XIRP2: variants seen among roughly 807,000 people sequenced by gnomAD.
The protein encoded by XIRP2 is xin actin-binding repeat-containing protein 2.
In XIRP2, 236 loss-of-function variants were observed where a neutral mutation model predicts 277.0. The observed-to-expected ratio is 0.85, with a 90% CI of 0.77 to 0.95. The LOEUF (loss-of-function observed/expected upper bound fraction) is 0.95, where lower values mean the gene tolerates loss of function less well. XIRP2 is among the 40% of genes least tolerant of loss of function. The pLI, the probability that XIRP2 is intolerant of heterozygous loss-of-function variation, is 0.00. For synonymous variants in XIRP2, 1,490 were observed against 1,416.5 expected, an observed-to-expected ratio of 1.05 and a Z score of -1.17; for missense variants, 4,640 against 4,157.5, an observed-to-expected ratio of 1.12 and a Z score of -3.19.
chr2:167,198,417 G>T (rs1191820238), intron 3 of XIRP2, among the ~76,000 whole-genome samples: 2 of 152,148 alleles, frequency 1.3e-5, no homozygotes, highest in Non-Finnish European at 2.9e-5. Context: ...ACATTATTCA[G>T]TGTCCCTTAG....
rs1488253694 is a variant in XIRP2, at chr2:167,251,738, G to A, written c.10346G>A (p.Cys3449Tyr). 6 of 1,613,372 alleles carry A rather than the reference G, an allele frequency of 3.7e-6. No individual in the cohort carries two copies. The highest frequency in any genetic ancestry group is 5.1e-6 in the Non-Finnish European group (6 of 1,179,588). ...AGCTCAGAAGCTGGCAAATCTGGCT[G>A]TGACTTCAAGCATGCCCCACCAACC... ...SHSSEAGKSGCDFKHAPPTYE... is the reference protein window; with the variant it reads ...SHSSEAGKSGYDFKHAPPTYE... Residue 3449 changes from cysteine (C) to tyrosine (Y), a missense_variant, in exon 9 of 11, where the codon TGT (cysteine) becomes TAT (tyrosine). By Grantham distance (194) the Cys-to-Tyr change is radical. Transcript: ENST00000409195.
At chr2:166,932,520 G>T (rs1013287408) in intron 2 of XIRP2, among the ~76,000 whole-genome samples, 1 of 151,848 alleles carries the variant, frequency 6.6e-6, no homozygotes, top group Non-Finnish European at 1.5e-5. Context: ...CAGCCCATAC[G>T]CTCTCTTAAT....
intron 2 of XIRP2, among the ~76,000 whole-genome samples, chr2:167,049,253 C>A (rs963072327): frequency 7.9e-5 from 12 of 151,442 alleles, no homozygotes; most frequent in African/African-American, 2.9e-4. Flanking sequence ...CAAGCCCTAC[C>A]ATTAAGGCCA....
At chr2:167,012,912 C>A (rs1286499619) in intron 2 of XIRP2, among the ~76,000 whole-genome samples, 3 of 151,264 alleles carry the variant, frequency 2.0e-5, no homozygotes, top group African/African-American at 7.3e-5. Flanking sequence ...ATTTCCAGTT[C>A]ATCATTGGTT....
chr2:167,156,192 G>A (rs945748141), intron 3 of XIRP2, among the ~76,000 whole-genome samples: 19 of 151,780 alleles, frequency 1.3e-4, no homozygotes, highest in South Asian at 6.3e-4. Flanking sequence ...TTATAGATTC[G>A]ATGCCATCCC....
chr2:167,168,032 A>G (rs1236007073), intron 3 of XIRP2, among the ~76,000 whole-genome samples: 2 of 152,168 alleles, frequency 1.3e-5, no homozygotes, highest in Non-Finnish European at 2.9e-5. Context: ...TCCTCTCAAC[A>G]CTTGTATATT....
intron 2 of XIRP2, among the ~76,000 whole-genome samples, chr2:166,912,623 C>G (rs550787712): frequency 1.3e-5 from 2 of 152,330 alleles, no homozygotes; most frequent in East Asian, 3.9e-4. Flanking sequence ...AATTCATTCT[C>G]CATCCAGCTT....
Position 167,258,855 on chromosome 2 carries a change from C to A in XIRP2, c.*1038C>A. ...CTTGGTATATTTGAATCTGAAAAGA[C>A]TTATTCGAGGAATGTACTAGCAATG... is the stretch of plus-strand genomic sequence containing the variant. On this transcript the variant is annotated 3_prime_UTR_variant, in exon 11 of 11. Transcript: ENST00000409195. The A allele has an allele frequency of 6.2e-7, 1 of 1,613,160 alleles. No individual in the cohort carries two copies. The highest frequency in any genetic ancestry group is 1.3e-5 in the African/African-American group (1 of 74,956).
At chr2:167,173,317 C>T (rs1393840563) in intron 3 of XIRP2, among the ~76,000 whole-genome samples, 7 of 152,124 alleles carry the variant, frequency 4.6e-5, no homozygotes, top group South Asian at 2.1e-4. Flanking sequence ...ATCCTTTTAC[C>T]GTCTATGTCC....
chr2:167,160,266 AG>A (rs1274880950), intron 3 of XIRP2, among the ~76,000 whole-genome samples: 32 of 152,348 alleles, frequency 2.1e-4, no homozygotes, highest in African/African-American at 7.2e-4. Flanking sequence ...AAAGTTTTAA[AG>A]CACTCATAAT....
At chr2:167,080,318 G>T (rs1373994939) in intron 2 of XIRP2, among the ~76,000 whole-genome samples, 1 of 152,172 alleles carries the variant, frequency 6.6e-6, no homozygotes, top group Non-Finnish European at 1.5e-5. Context: ...TCTCAGAGAA[G>T]ACAAAAATCC....
chr2:167,014,367 A>G (rs568300288), intron 2 of XIRP2, among the ~76,000 whole-genome samples: 1 of 151,896 alleles, frequency 6.6e-6, no homozygotes, highest in Non-Finnish European at 1.5e-5. Flanking sequence ...ATAGATATAA[A>G]AAGATTGAGG....
At position 167,010,516 on chromosome 2, in the gene XIRP2, T is replaced by G. The variant is rs1315896790; in HGVS notation, c.408+106626T>G. Among the ~76,000 whole-genome samples, 8 of 152,270 alleles carry G rather than the reference T, an allele frequency of 5.3e-5. No individual in the cohort carries two copies. The East Asian group carries it at 1.4e-3, about 26-fold the overall frequency. ...AGTCAGGTAGCGTGATGCCTCCAGC[T>G]TTGTTCTTTTGGCTTAGGATTGACT... is the stretch of plus-strand genomic sequence containing the variant. On this transcript the variant is annotated intron_variant, in intron 2 of 10. Transcript: ENST00000409195.
chr2:166,979,763 A>G (rs1394105395), intron 2 of XIRP2, among the ~76,000 whole-genome samples: 2 of 152,122 alleles, frequency 1.3e-5, no homozygotes, highest in African/African-American at 2.4e-5. Flanking sequence ...TTGCCTTCTT[A>G]TACATTGATT....
chr2:167,058,390 A>G lies in XIRP2; in HGVS notation c.409-77519A>G, dbSNP rs568419412. ...GCCAAGGTGACTGGCCTCTTTGTGC[A>G]TGTTTTAGTTATTTATTGTTGCATA... On this transcript the variant is annotated intron_variant, in intron 2 of 10. Transcript: ENST00000409195. 3.0e-4 allele frequency among the ~76,000 whole-genome samples: 45 copies of G among 152,214 alleles called. 1 individual carries two copies. In the South Asian group the frequency reaches 4.6e-3, roughly 15 times the overall value.
At chr2:167,194,743 G>A (rs897396947) in intron 3 of XIRP2, among the ~76,000 whole-genome samples, 1 of 151,976 alleles carries the variant, frequency 6.6e-6, no homozygotes, top group Non-Finnish European at 1.5e-5. Flanking sequence ...TTGACCTTGG[G>A]CAAATTACCA....
chr2:167,070,760 G>C (rs1347084332), intron 2 of XIRP2, among the ~76,000 whole-genome samples: 2 of 152,088 alleles, frequency 1.3e-5, no homozygotes, highest in African/African-American at 2.4e-5. Context: ...AGCATACCAG[G>C]CTCAAGGAAA....
chr2:167,226,143 A>C lies in XIRP2; in HGVS notation c.858+7843A>C, dbSNP rs1694593806. Among the ~76,000 whole-genome samples the C allele has an allele frequency of 2.6e-5, 4 of 152,338 alleles. No homozygotes were observed. The South Asian group carries it at 6.2e-4, about 24-fold the overall frequency. On this transcript the variant is annotated intron_variant, in intron 5 of 10. Coordinates refer to ENST00000409195, the MANE Select transcript of XIRP2 (RefSeq NM_152381.6). The stretch of plus-strand genomic sequence containing the variant: ...CGGTTTTCCTTTCAATTCTGCAAGA[A>C]GTGGAAATGCAAACGCAGATCCCAC...
chr2:166,903,973 T>TC (rs1684454234), intron 2 of XIRP2, 83 bp downstream of exon 2: 2 of 1,436,748 alleles, frequency 1.4e-6, no homozygotes, highest in Non-Finnish European at 9.3e-7. Flanking sequence ...ATGTAATCTT[T>TC]CCCCCCGCCA....
Sources: gnomAD v4.1 joint callset for allele counts (sites outside exome capture counted in the v4.1 genomes callset) on GRCh38, gnomAD v4.1.1 for gene constraint, MANE v1.5 for transcripts, NCBI Gene and HGNC (gene_info 2026-07-23, HGNC 2026-07-21) for gene names.